Variants in PPARGC1B observed in about 807,000 individuals in gnomAD.
PPARGC1B encodes the protein peroxisome proliferator-activated receptor gamma coactivator 1-beta.
Under a neutral mutation model 101.6 loss-of-function variants are expected in PPARGC1B, and 34 were observed. That is an observed-to-expected ratio of 0.33 (90% CI 0.25 to 0.45). The LOEUF (loss-of-function observed/expected upper bound fraction) is 0.45, where lower values mean the gene tolerates loss of function less well. Among genes scored for constraint, PPARGC1B ranks in the 20% least tolerant of loss-of-function variants. PPARGC1B has a pLI of 1.00. For missense variants in PPARGC1B, 1,234 were observed against 1,317.6 expected (o/e 0.94, Z 0.98); for synonymous variants, 548 against 539.3 (o/e 1.02, Z -0.22).
At chr5:149,857,051 C>A (rs1218423551), downstream of PPARGC1B, among the ~76,000 whole-genome samples, 1 of 151,974 alleles carries the variant, frequency 6.6e-6, no homozygotes, top group East Asian at 1.9e-4. Context: ...GGATTACAGG[C>A]ATTGAGCCAC....
chr5:149,783,016 T>C (rs898063972), intron 1 of PPARGC1B, among the ~76,000 whole-genome samples: 2 of 152,028 alleles, frequency 1.3e-5, no homozygotes, highest in African/African-American at 4.8e-5. Context: ...TGCAGGGTGC[T>C]TATGGTAGAG....
At chr5:149,745,188 A>T (rs1469993296) in intron 1 of PPARGC1B, among the ~76,000 whole-genome samples, 1 of 152,132 alleles carries the variant, frequency 6.6e-6, no homozygotes. Flanking sequence ...GGCAGGAGCC[A>T]CTGTGCCTGG....
chr5:149,799,693 G>GTTGTGTT (rs752427488), intron 1 of PPARGC1B, among the ~76,000 whole-genome samples: 1 of 76,480 alleles, frequency 1.3e-5, no homozygotes, highest in African/African-American at 5.7e-5. Flanking sequence ...GCTTGTTGTT[G>GTTGTGTT]TTTTTTTTTT....
rs906102949 is a variant in PPARGC1B at position 149,850,504 on chromosome 5, A to C, written c.*2946A>C. On this transcript the variant is annotated 3_prime_UTR_variant, in exon 12 of 12. Coordinates refer to ENST00000309241, the MANE Select transcript of PPARGC1B (RefSeq NM_133263.4). ...GTACATAAAATGCTACAAGTTCTAA[A>C]ATTTACCGACCCTGCAGACAACCTC... The C allele has an allele frequency of 1.3e-5, 2 of 152,190 alleles. No homozygotes were observed. Among genetic ancestry groups the C allele is most frequent in the Admixed American group, 1.3e-4 (2 of 15,286 alleles). 9.4% of individuals were successfully genotyped at this position (152,190 alleles called of 1,614,324 possible).
intron 1 of PPARGC1B, among the ~76,000 whole-genome samples, chr5:149,806,402 C>T (rs900081770): frequency 6.6e-6 from 1 of 152,180 alleles, no homozygotes; most frequent in Non-Finnish European, 1.5e-5. Flanking sequence ...CCAGGACCCC[C>T]TTTCTACCTC....
chr5:149,749,747 C>T (rs1755220478), intron 1 of PPARGC1B, among the ~76,000 whole-genome samples: 1 of 152,246 alleles, frequency 6.6e-6, no homozygotes, highest in Non-Finnish European at 1.5e-5. Flanking sequence ...GCTGTGTGAC[C>T]TTGGACAGGT....
chr5:149,813,346 C>G (rs1021247092), intron 1 of PPARGC1B, among the ~76,000 whole-genome samples: 11 of 152,218 alleles, frequency 7.2e-5, no homozygotes, highest in African/African-American at 2.7e-4. Context: ...ATGGCAGTCA[C>G]AGGAGGTCAG....
Position 149,745,836 on chromosome 5 carries a change from C to T in PPARGC1B, c.78+15416C>T, listed in dbSNP as rs1440782155. Among the ~76,000 whole-genome samples, 3 of 152,124 alleles carry T rather than the reference C, an allele frequency of 2.0e-5. No individual in the cohort carries two copies. In the South Asian group the frequency reaches 6.2e-4, roughly 31 times the overall value. On this transcript the variant is annotated intron_variant, in intron 1 of 11. Coordinates refer to ENST00000309241, the MANE Select transcript of PPARGC1B (RefSeq NM_133263.4). ...GTTTGTCCTCCTTGATCCTCAATCC[C>T]ACACCCACTTATGGGTCAGCTCATA...
intron 1 of PPARGC1B, among the ~76,000 whole-genome samples, chr5:149,813,366 G>T (rs1757933040): frequency 6.6e-6 from 1 of 152,202 alleles, no homozygotes; most frequent in South Asian, 2.1e-4. Flanking sequence ...GTGCAGCCGG[G>T]TGGAGCCCAG....
In PPARGC1B at chr5:149,836,429, C is replaced by A. The variant is rs1759080110; in HGVS notation, c.1974C>A (p.His658Gln). 1 of 1,614,024 alleles carries A rather than the reference C, an allele frequency of 6.2e-7. No individual in the cohort carries two copies. Among genetic ancestry groups the A allele is most frequent in the Non-Finnish European group, 8.5e-7 (1 of 1,180,042 alleles). Reference protein sequence around the residue: ...PGAAHKLPKKHPERSELLSHL... With the variant: ...PGAAHKLPKKQPERSELLSHL... The stretch of plus-strand genomic sequence containing the variant: ...CTGCCCACAAGCTGCCAAAGAAGCA[C>A]CCAGAGCGAAGTGAGCTCCTGTCCC... The change falls in exon 8 of 12, where the codon CAC becomes CAA. Residue 658 changes from histidine (H) to glutamine (Q), a missense_variant. This residue lies in a region of PPARGC1B where 497 missense variants were observed against 529.5 expected (regional missense o/e 0.94). Transcript: ENST00000309241.
chr5:149,838,289 C>T (rs1254253813), intron 8 of PPARGC1B, among the ~76,000 whole-genome samples: 1 of 152,108 alleles, frequency 6.6e-6, no homozygotes, highest in Non-Finnish European at 1.5e-5. Context: ...TTGTGGGCTC[C>T]CCGCAAACTT....
At chr5:149,844,175 T>TTTGTATAA (rs1187194548) in intron 10 of PPARGC1B, among the ~76,000 whole-genome samples, 2 of 152,134 alleles carry the variant, frequency 1.3e-5, no homozygotes, top group Non-Finnish European at 2.9e-5. Flanking sequence ...AAAAGAACCA[T>TTTGTATAA]TATACAAATA....
At position 149,758,603 on chromosome 5, in the gene PPARGC1B, G is replaced by A. The variant is rs1357767027; in HGVS notation, c.78+28183G>A. On this transcript the variant is annotated intron_variant, in intron 1 of 11. Coordinates refer to ENST00000309241, the MANE Select transcript of PPARGC1B (RefSeq NM_133263.4). ...TGTGTCATCATGTGCCCCAGCAGGT[G>A]CCATCTTTTGGGAACAGGGTGTGGA... Among the ~76,000 whole-genome samples, 6 of 152,188 alleles carry A rather than the reference G, an allele frequency of 3.9e-5. No individual in the cohort carries two copies. The East Asian group carries it at 1.2e-3, about 29-fold the overall frequency.
intron 1 of PPARGC1B, among the ~76,000 whole-genome samples, chr5:149,775,173 G>A (rs1009160996): frequency 4.6e-5 from 7 of 152,126 alleles, no homozygotes; most frequent in Non-Finnish European, 8.8e-5. Flanking sequence ...TACTCTGGGC[G>A]TTACTGTAGA....
At chr5:149,828,764 G>A (rs559980718) in intron 3 of PPARGC1B, among the ~76,000 whole-genome samples, 36 of 152,314 alleles carry the variant, frequency 2.4e-4, no homozygotes, top group East Asian at 9.6e-4. Context: ...GGGCCCTGAG[G>A]GACCGGGCAC....
chr5:149,798,152 C>T (rs1319912329), intron 1 of PPARGC1B, among the ~76,000 whole-genome samples: 1 of 152,160 alleles, frequency 6.6e-6, no homozygotes, highest in Non-Finnish European at 1.5e-5. Flanking sequence ...GGACCAAGCC[C>T]AAATTAATGC....
chr5:149,744,908 CTTTT>C (rs34363116), intron 1 of PPARGC1B, among the ~76,000 whole-genome samples: 1 of 132,938 alleles, frequency 7.5e-6, no homozygotes. Context: ...AGCTTTGTGA[CTTTT>C]TTTTTTTTTT....
chr5:149,807,253 C>G (rs1757636264), intron 1 of PPARGC1B, among the ~76,000 whole-genome samples: 1 of 151,946 alleles, frequency 6.6e-6, no homozygotes, highest in African/African-American at 2.4e-5. Context: ...ATCAGCAGTC[C>G]AGCACTTTTC....
At chr5:149,809,350 C>CATAG (rs374136678) in intron 1 of PPARGC1B, among the ~76,000 whole-genome samples, 2 of 34,870 alleles carry the variant, frequency 5.7e-5, no homozygotes, top group Non-Finnish European at 5.2e-5. Context: ...CCATCTCTAC[C>CATAG]ATAGATAGAT....
Sources: allele counts gnomAD v4.1 joint callset (sites outside exome capture counted in the v4.1 genomes callset), GRCh38; gene constraint gnomAD v4.1.1; regional missense constraint gnomAD v4.1.1; transcripts MANE v1.5; gene names NCBI Gene and HGNC (gene_info 2026-07-23, HGNC 2026-07-21).